ZNF609: variants seen among roughly 807,000 people sequenced by gnomAD.
ZNF609 encodes the protein zinc finger protein 609.
A neutral mutation model predicts 109.5 loss-of-function variants in ZNF609; 11 were observed. The ratio of observed to expected loss-of-function variants is 0.10; its 90% CI spans 0.06 to 0.17. The LOEUF (loss-of-function observed/expected upper bound fraction) is 0.17, where lower values mean the gene tolerates loss of function less well. ZNF609 is among the 10% of genes least tolerant of loss of function. The probability of loss-of-function intolerance (pLI) is 1.00; values close to 1 mark genes in which losing one functional copy is unlikely to be tolerated. For missense variants in ZNF609, 1,559 were observed against 1,772.4 expected, an observed-to-expected ratio of 0.88 and a Z score of 2.16; for synonymous variants, 646 against 662.0, an observed-to-expected ratio of 0.98 and a Z score of 0.37.
intron 3 of ZNF609, among the ~76,000 whole-genome samples, chr15:64,668,356 A>G (rs1595758174): frequency 6.6e-6 from 1 of 152,220 alleles, no homozygotes; most frequent in Non-Finnish European, 1.5e-5. Flanking sequence ...AAGAAGGCAG[A>G]CCAGCCATGG....
chr15:64,645,186 G>A (rs1896318377), intron 3 of ZNF609, among the ~76,000 whole-genome samples: 1 of 139,352 alleles, frequency 7.2e-6, no homozygotes, highest in Non-Finnish European at 1.5e-5. Context: ...CATCTCCTGA[G>A]CTCAAGATAT....
At chr15:64,537,981 C>T (rs762327374) in intron 2 of ZNF609, among the ~76,000 whole-genome samples, 34 of 152,022 alleles carry the variant, frequency 2.2e-4, no homozygotes, top group Non-Finnish European at 4.3e-4. Context: ...TGGCGCATGC[C>T]TGTAATCCCA....
intron 2 of ZNF609, among the ~76,000 whole-genome samples, chr15:64,574,803 CTG>C (rs139306918): frequency 1.2e-4 from 18 of 152,250 alleles, no homozygotes; most frequent in African/African-American, 4.3e-4. Flanking sequence ...TCTGCAGCCT[CTG>C]TGGTTTGCTG....
At chr15:64,624,940 A>G (rs771953383) in intron 3 of ZNF609, among the ~76,000 whole-genome samples, 3 of 151,732 alleles carry the variant, frequency 2.0e-5, no homozygotes, top group Non-Finnish European at 4.4e-5. Context: ...TTGTATTTTT[A>G]GTAGAGATGG....
At chr15:64,676,339 G>C (rs1377599837) in intron 5 of ZNF609, 83 bp downstream of exon 5, 2 of 1,314,956 alleles carry the variant, frequency 1.5e-6, no homozygotes, top group East Asian at 2.4e-5. Flanking sequence ...CCTTATACAG[G>C]GGTTCAACGG....
chr15:64,511,940 C>T (rs1351575414), intron 2 of ZNF609, among the ~76,000 whole-genome samples: 3 of 151,674 alleles, frequency 2.0e-5, no homozygotes, highest in Non-Finnish European at 2.9e-5. Context: ...GTCTTGATCT[C>T]CTGACCTCGT....
In ZNF609 at chr15:64,681,379, G is replaced by A. The variant is rs1314151490; in HGVS notation, c.4233G>A (p.Arg1411=). 1.2e-6 allele frequency: 2 copies of A among 1,613,792 alleles called. No homozygotes were observed. The highest frequency in any genetic ancestry group is 1.7e-5 in the Admixed American group (1 of 59,978). The change falls in exon 9 of 10, where the codon AGG becomes AGA. Residue 1411 remains arginine (R), a synonymous_variant. Transcript: ENST00000326648. ...STPSLYPPPR[R] ...CCTCACTCTACCCACCCCCCAGGAG[G>A]TGAGAATGGTAAGTCACTTTTATTA...
At chr15:64,523,012 G>A (rs1480616202) in intron 2 of ZNF609, among the ~76,000 whole-genome samples, 3 of 150,818 alleles carry the variant, frequency 2.0e-5, no homozygotes, top group African/African-American at 7.3e-5. Flanking sequence ...ATAGAGAAAA[G>A]TATTTTGGAT....
chr15:64,655,651 A>G (rs1335145931), intron 3 of ZNF609, among the ~76,000 whole-genome samples: 1 of 151,858 alleles, frequency 6.6e-6, no homozygotes, highest in Admixed American at 6.6e-5. Context: ...ACATGGTGAA[A>G]CCTCATCTCT....
intron 2 of ZNF609, among the ~76,000 whole-genome samples, chr15:64,570,403 T>C (rs1567017275): frequency 6.6e-6 from 1 of 152,212 alleles, no homozygotes; most frequent in Non-Finnish European, 1.5e-5. Flanking sequence ...CTCAAAGCAA[T>C]AGATACCAGG....
At chr15:64,630,058 T>G (rs1896040444) in intron 3 of ZNF609, among the ~76,000 whole-genome samples, 1 of 151,880 alleles carries the variant, frequency 6.6e-6, no homozygotes, top group Admixed American at 6.6e-5. Context: ...CTGTTTCTCT[T>G]CATTACACCT....
At chr15:64,546,789 CTTTTTTT>C (rs1206513622) in intron 2 of ZNF609, among the ~76,000 whole-genome samples, 4 of 122,566 alleles carry the variant, frequency 3.3e-5, no homozygotes, top group South Asian at 2.9e-4. Context: ...TTTCATGTTT[CTTTTTTT>C]TTTTTTTTTT....
intron 2 of ZNF609, among the ~76,000 whole-genome samples, chr15:64,560,679 A>G (rs1423205438): frequency 6.6e-6 from 1 of 152,174 alleles, no homozygotes; most frequent in Non-Finnish European, 1.5e-5. Context: ...TGGCAAGAGG[A>G]GTAAATAGAT....
chr15:64,659,991 T>C (rs1418707960), intron 3 of ZNF609, among the ~76,000 whole-genome samples: 1 of 151,928 alleles, frequency 6.6e-6, no homozygotes, highest in Non-Finnish European at 1.5e-5. Context: ...CACGCCACCA[T>C]GCTCAGCTAA....
intron 3 of ZNF609, among the ~76,000 whole-genome samples, chr15:64,653,457 C>T (rs1008264147): frequency 6.6e-6 from 1 of 152,126 alleles, no homozygotes; most frequent in African/African-American, 2.4e-5. Context: ...ACAGCCTGGG[C>T]AACACGGTGA....
intron 2 of ZNF609, among the ~76,000 whole-genome samples, chr15:64,575,938 T>C (rs1468682598): frequency 6.6e-6 from 1 of 152,052 alleles, no homozygotes; most frequent in Non-Finnish European, 1.5e-5. Flanking sequence ...CCGTCTCTTC[T>C]AAAAATACAA....
intron 1 of ZNF609, among the ~76,000 whole-genome samples, chr15:64,479,384 C>T (rs1401366353): frequency 1.3e-5 from 2 of 149,388 alleles, no homozygotes; most frequent in African/African-American, 2.5e-5. Flanking sequence ...CTCTGCCTCC[C>T]GGATTCACAC....
rs573974712 is a variant in ZNF609 at position 64,544,367 on chromosome 15, C to G, written c.747+44201C>G. Among the ~76,000 whole-genome samples, 40 of 152,112 alleles carry G rather than the reference C, an allele frequency of 2.6e-4. No homozygotes were observed. In the South Asian group the frequency reaches 7.1e-3, roughly 27 times the overall value. ...AAAAGTTCTCAACTTGAGCACTGGA[C>G]TCATTTAAGTAATAATCGTTAAAAC... On this transcript the variant is annotated intron_variant, in intron 2 of 9. Transcript: ENST00000326648.
At chr15:64,587,016 C>G (rs1895210253) in intron 2 of ZNF609, among the ~76,000 whole-genome samples, 1 of 152,148 alleles carries the variant, frequency 6.6e-6, no homozygotes, top group South Asian at 2.1e-4. Flanking sequence ...GTTGTTATCT[C>G]TGCCTGTTGC....
Sources: gnomAD v4.1 joint callset for allele counts (sites outside exome capture counted in the v4.1 genomes callset) on GRCh38, gnomAD v4.1.1 for gene constraint, MANE v1.5 for transcripts, NCBI Gene and HGNC (gene_info 2026-07-23, HGNC 2026-07-21) for gene names.